The following SH3RF1 variants were observed in gnomAD, a reference collection of about 807,000 sequenced individuals.
The protein encoded by SH3RF1 is E3 ubiquitin-protein ligase SH3RF1.
Under a neutral mutation model 74.0 loss-of-function variants are expected in SH3RF1, and 32 were observed. The observed-to-expected ratio is 0.43, with a 90% CI of 0.33 to 0.58. The LOEUF (loss-of-function observed/expected upper bound fraction) is 0.58. SH3RF1 is among the 20% of genes least tolerant of loss of function. The probability of loss-of-function intolerance (pLI) is 0.05; values close to 1 mark genes in which losing one functional copy is unlikely to be tolerated. For synonymous variants in SH3RF1, 396 were observed against 439.6 expected, an observed-to-expected ratio of 0.90 and a Z score of 1.24; for missense variants, 954 against 1,130.9, an observed-to-expected ratio of 0.84 and a Z score of 2.24.
chr4:169,239,774 A>C (rs1370317267), intron 2 of SH3RF1, among the ~76,000 whole-genome samples: 3 of 152,176 alleles, frequency 2.0e-5, no homozygotes, highest in African/African-American at 7.2e-5. Flanking sequence ...CAATCCCAGC[A>C]TTTTGGGAGG....
intron 2 of SH3RF1, among the ~76,000 whole-genome samples, chr4:169,192,346 AAAG>A (rs1363257577): frequency 6.6e-6 from 1 of 152,090 alleles, no homozygotes; most frequent in African/African-American, 2.4e-5. Context: ...ACAGTTCGCA[AAAG>A]AAGATATACA....
chr4:169,211,287 C>T (rs1445176235), intron 2 of SH3RF1, among the ~76,000 whole-genome samples: 1 of 151,988 alleles, frequency 6.6e-6, no homozygotes, highest in African/African-American at 2.4e-5. Flanking sequence ...TCGAGACCAT[C>T]CTGGCTAACA....
intron 2 of SH3RF1, among the ~76,000 whole-genome samples, chr4:169,194,673 T>A: frequency 6.6e-6 from 1 of 152,198 alleles, no homozygotes; most frequent in Non-Finnish European, 1.5e-5. Context: ...CTATTATGAA[T>A]GTTCTTGAAT....
chr4:169,167,384 T>C (rs1051337281), intron 2 of SH3RF1, among the ~76,000 whole-genome samples: 8 of 152,182 alleles, frequency 5.3e-5, no homozygotes, highest in African/African-American at 1.4e-4. Flanking sequence ...CTAATACTGA[T>C]TGAAAAATTC....
intron 11 of SH3RF1, among the ~76,000 whole-genome samples, chr4:169,100,584 C>T (rs546306860): frequency 6.6e-6 from 1 of 152,132 alleles, no homozygotes; most frequent in Admixed American, 6.5e-5. Flanking sequence ...TGGTGATCCA[C>T]CCACCTTGGC....
chr4:169,188,088 T>C (rs1258282960), intron 2 of SH3RF1, among the ~76,000 whole-genome samples: 1 of 152,124 alleles, frequency 6.6e-6, no homozygotes, highest in Non-Finnish European at 1.5e-5. Context: ...GGATTCTTCC[T>C]AGAGCCTTCA....
chr4:169,190,799 T>G (rs1455060754), intron 2 of SH3RF1, among the ~76,000 whole-genome samples: 1 of 152,150 alleles, frequency 6.6e-6, no homozygotes, highest in Non-Finnish European at 1.5e-5. Context: ...ATATCCCTGA[T>G]GAACACAGAT....
intron 2 of SH3RF1, among the ~76,000 whole-genome samples, chr4:169,249,501 T>C (rs1056116056): frequency 1.3e-5 from 2 of 152,270 alleles, no homozygotes; most frequent in African/African-American, 2.4e-5. Context: ...TATTTGTTTT[T>C]ACAAATTTCC....
At chr4:169,166,143 A>T (rs574609046) in intron 2 of SH3RF1, 1 of 151,868 alleles carries the variant, frequency 6.6e-6, no homozygotes, top group East Asian at 1.9e-4. Flanking sequence ...TGAAGAAAAT[A>T]AAAATGTAAA....
intron 2 of SH3RF1, among the ~76,000 whole-genome samples, chr4:169,186,846 A>G (rs1734612487): frequency 6.9e-6 from 1 of 144,596 alleles, no homozygotes; most frequent in Admixed American, 6.8e-5. Context: ...CTCTACTAAA[A>G]ATACAAAAAA....
At chr4:169,119,020 TC>T (rs1733392487) in intron 8 of SH3RF1, among the ~76,000 whole-genome samples, 1 of 152,214 alleles carries the variant, frequency 6.6e-6, no homozygotes. Flanking sequence ...AGAAAACACT[TC>T]ATTAGCTTGA....
intron 2 of SH3RF1, among the ~76,000 whole-genome samples, chr4:169,197,351 G>A (rs533680255): frequency 7.6e-4 from 115 of 151,914 alleles, no homozygotes; most frequent in African/African-American, 2.6e-3. Flanking sequence ...CCAGCAGGGC[G>A]CAGAGGCTTA....
intron 2 of SH3RF1, among the ~76,000 whole-genome samples, chr4:169,261,462 G>A (rs1010310500): frequency 6.6e-6 from 1 of 152,142 alleles, no homozygotes; most frequent in African/African-American, 2.4e-5. Context: ...GTAAGGGAAG[G>A]AAGCATTTGG....
chr4:169,208,493 AAT>A (rs1730300463), intron 2 of SH3RF1, among the ~76,000 whole-genome samples: 3 of 152,348 alleles, frequency 2.0e-5, no homozygotes, highest in South Asian at 4.1e-4. Flanking sequence ...GTTTCTTAAA[AAT>A]ATGAGTGTAT....
chr4:169,136,482 G>A lies in SH3RF1; in HGVS notation c.904C>T (p.Arg302Trp), dbSNP rs752305747. 10 of 1,613,682 alleles carry A rather than the reference G, an allele frequency of 6.2e-6. No homozygotes were observed. Among genetic ancestry groups the A allele is most frequent in the African/African-American group, 1.3e-5 (1 of 74,834 alleles). The change falls in exon 5 of 12, where the codon CGG (arginine) becomes TGG (tryptophan). Residue 302 changes from arginine (R) to tryptophan (W), a missense_variant. Physicochemically the swap from Arg to Trp is moderately radical, Grantham distance 101. Coordinates refer to ENST00000284637, the MANE Select transcript of SH3RF1 (RefSeq NM_020870.4). ...HSDTKKNTKK[R>W]HSFTSLTMAN... is the part of the protein sequence containing the mutation. ...ATAGTGAGGGAAGTGAAGGAGTGCC[G>A]CTTTTTGGTGTTCTTCTTGGTGTCG...
chr4:169,142,630 T>C (rs1017810545), intron 4 of SH3RF1, among the ~76,000 whole-genome samples: 1 of 152,232 alleles, frequency 6.6e-6, no homozygotes, highest in Non-Finnish European at 1.5e-5. Context: ...AGTCCATCTT[T>C]TCCTCACTGG....
At position 169,116,276 on chromosome 4, in the gene SH3RF1, T is replaced by A. The variant is rs749884027; in HGVS notation, c.2132A>T (p.Asp711Val). 2.5e-6 allele frequency: 4 copies of A among 1,606,734 alleles called. No individual in the cohort carries two copies. The highest frequency in any genetic ancestry group is 3.4e-6 in the Non-Finnish European group (4 of 1,175,642). ...GNSSATKPDK[D>V]SKKEKKGLLK... is the part of the protein sequence containing the mutation. ...AAGTAAGTATGGTCTTACTTTGCTA[T>A]CCTTGTCTGGTTTGGTTGCTGAACT... The change falls in exon 10 of 12, where the codon GAT becomes GTT. Residue 711 changes from aspartate (D) to valine (V), a missense_variant. Transcript: ENST00000284637.
intron 11 of SH3RF1, among the ~76,000 whole-genome samples, chr4:169,100,711 C>T (rs1561023411): frequency 6.6e-6 from 1 of 152,322 alleles, no homozygotes; most frequent in East Asian, 1.9e-4. Context: ...AACAGCTTTA[C>T]AATGCCTGTG....
intron 2 of SH3RF1, among the ~76,000 whole-genome samples, chr4:169,229,777 G>A (rs953170183): frequency 2.0e-5 from 3 of 152,070 alleles, no homozygotes; most frequent in Admixed American, 6.5e-5. Context: ...AGTATACGAC[G>A]GATGAAAGGC....
Sources: gnomAD v4.1 joint callset for allele counts (sites outside exome capture counted in the v4.1 genomes callset) on GRCh38, gnomAD v4.1.1 for gene constraint, MANE v1.5 for transcripts, NCBI Gene and HGNC (gene_info 2026-07-23, HGNC 2026-07-21) for gene names.